The following CAMK4 variants were observed in gnomAD, a reference collection of about 807,000 sequenced individuals.
The protein encoded by CAMK4 is calcium/calmodulin dependent protein kinase IV, also known as calcium/calmodulin-dependent protein kinase type IV.
In CAMK4, 22 loss-of-function variants were observed where a neutral mutation model predicts 44.9. That is an observed-to-expected ratio of 0.49 (90% CI 0.35 to 0.70). The LOEUF is 0.70. Ranked by LOEUF, CAMK4 falls within the 30% of genes least tolerant of loss-of-function variation. The pLI is 0.01. For synonymous variants in CAMK4, 218 were observed against 215.4 expected (o/e 1.01, Z -0.11); for missense variants, 498 against 586.8 (o/e 0.85, Z 1.56).
chr5:111,234,596 A>G (rs1311175436), intron 1 of CAMK4, among the ~76,000 whole-genome samples: 1 of 152,208 alleles, frequency 6.6e-6, no homozygotes, highest in African/African-American at 2.4e-5. Context: ...GCACTGACCT[A>G]AAGTGTTTTG....
intron 5 of CAMK4, among the ~76,000 whole-genome samples, chr5:111,439,256 T>C (rs1753746126): frequency 6.6e-6 from 1 of 152,112 alleles, no homozygotes; most frequent in East Asian, 1.9e-4. Context: ...TCTACTCTTG[T>C]GGCAGTGCGA....
At chr5:111,356,968 A>C (rs1755253663) in intron 2 of CAMK4, among the ~76,000 whole-genome samples, 2 of 152,130 alleles carry the variant, frequency 1.3e-5, no homozygotes, top group African/African-American at 2.4e-5. Context: ...ACAGACAGAC[A>C]GACAGACCAT....
intron 7 of CAMK4, among the ~76,000 whole-genome samples, chr5:111,459,630 A>T (rs1314075681): frequency 1.3e-5 from 2 of 149,582 alleles, no homozygotes; most frequent in Non-Finnish European, 1.5e-5. Context: ...ATCTCAAGAG[A>T]TTGTCCCCAG....
chr5:111,473,375 C>G lies in CAMK4; in HGVS notation c.690C>G (p.Ile230Met). The change falls in exon 8 of 11, where the codon ATC (isoleucine) becomes ATG (methionine). Residue 230 changes from isoleucine (I) to methionine (M), a missense_variant. This residue lies in a region of CAMK4 where 203 missense variants were observed against 298.2 expected (regional missense o/e 0.68). Transcript: ENST00000282356. The stretch of plus-strand genomic sequence containing the variant: ...TGGACATGTGGTCTGTAGGAATAAT[C>G]ACCTACATCTTGTAAGTGAAGAAAA... ...PEVDMWSVGI[I>M]TYILLCGFEP... 1 of 1,601,328 alleles carries G rather than the reference C, an allele frequency of 6.2e-7. No homozygotes were observed. Among genetic ancestry groups the G allele is most frequent in the Non-Finnish European group, 8.6e-7 (1 of 1,168,906 alleles).
intron 2 of CAMK4, among the ~76,000 whole-genome samples, chr5:111,345,572 A>C (rs918510303): frequency 3.9e-5 from 6 of 152,012 alleles, no homozygotes; most frequent in African/African-American, 1.4e-4. Context: ...AAAAACTGTC[A>C]GTAAAATTTG....
chr5:111,254,805 G>A (rs184811438), intron 1 of CAMK4, among the ~76,000 whole-genome samples: 2 of 152,286 alleles, frequency 1.3e-5, no homozygotes, highest in African/African-American at 2.4e-5. Context: ...AATGAAACTA[G>A]CCAAGTATGT....
At chr5:111,346,483 T>TATCTATCTATCTATCC (rs1749870919) in intron 2 of CAMK4, among the ~76,000 whole-genome samples, 1 of 2,764 alleles carries the variant, frequency 3.6e-4, no homozygotes, top group South Asian at 0.1. Flanking sequence ...CTTGAAACTT[T>TATCTATCTATCTATCC]ATCTATCTAT....
intron 5 of CAMK4, among the ~76,000 whole-genome samples, chr5:111,414,580 A>T (rs1295324332): frequency 6.6e-6 from 1 of 152,224 alleles, no homozygotes; most frequent in Admixed American, 6.5e-5. Flanking sequence ...TAGAAATAGA[A>T]TAAAATAGAA....
chr5:111,443,641 G>C (rs1753926136), intron 5 of CAMK4, among the ~76,000 whole-genome samples: 1 of 151,836 alleles, frequency 6.6e-6, no homozygotes, highest in South Asian at 2.1e-4. Flanking sequence ...CTTGCACTTA[G>C]AACGCAACCA....
At chr5:111,320,549 C>T (rs1748620132) in intron 1 of CAMK4, among the ~76,000 whole-genome samples, 1 of 152,136 alleles carries the variant, frequency 6.6e-6, no homozygotes, top group South Asian at 2.1e-4. Flanking sequence ...GCTCGTTGCC[C>T]AGGGTGGAGT....
rs927394057 is a variant in CAMK4 at position 111,491,793 on chromosome 5, T to C, written c.*7327T>C. On this transcript the variant is annotated 3_prime_UTR_variant, in exon 11 of 11. Transcript: ENST00000282356. ...CTTACTAAGCTAAGAAATAAGAAGA[T>C]CCCTATGGTTCTGAATCTCTCATAA... is the stretch of plus-strand genomic sequence containing the variant. 1.3e-5 allele frequency: 2 copies of C among 152,176 alleles called. No individual in the cohort carries two copies. Among genetic ancestry groups the C allele is most frequent in the Non-Finnish European group, 2.9e-5 (2 of 68,020 alleles). The allele number at this position is 152,176 out of a possible 1,614,324, so 9.4% of individuals were successfully genotyped here.
chr5:111,458,960 CA>C (rs977028731), intron 7 of CAMK4, among the ~76,000 whole-genome samples: 1 of 152,150 alleles, frequency 6.6e-6, no homozygotes, highest in African/African-American at 2.4e-5. Flanking sequence ...GATGGGAAGA[CA>C]TCGGAGCATC....
intron 5 of CAMK4, among the ~76,000 whole-genome samples, chr5:111,423,413 A>G (rs1580732641): frequency 6.6e-6 from 1 of 152,212 alleles, no homozygotes; most frequent in Non-Finnish European, 1.5e-5. Context: ...CTTGGTTTCT[A>G]CTTCTCACAA....
chr5:111,366,705 G>T (rs1197766586), intron 2 of CAMK4, among the ~76,000 whole-genome samples: 1 of 152,000 alleles, frequency 6.6e-6, no homozygotes, highest in Non-Finnish European at 1.5e-5. Flanking sequence ...TTTCTCTGGT[G>T]TTACTCTAGA....
chr5:111,374,411 A>C (rs1751130722), intron 2 of CAMK4, among the ~76,000 whole-genome samples: 1 of 152,148 alleles, frequency 6.6e-6, no homozygotes, highest in African/African-American at 2.4e-5. Flanking sequence ...CACAATGGCC[A>C]GGGAACAGGA....
At chr5:111,336,724 G>C (rs1474442947) in intron 1 of CAMK4, among the ~76,000 whole-genome samples, 1 of 151,068 alleles carries the variant, frequency 6.6e-6, no homozygotes, top group Non-Finnish European at 1.5e-5. Context: ...TATTTTTTAT[G>C]TGAATTTTTG....
chr5:111,273,885 T>G (rs1403473536), intron 1 of CAMK4, among the ~76,000 whole-genome samples: 1 of 151,618 alleles, frequency 6.6e-6, no homozygotes, highest in Admixed American at 6.6e-5. Flanking sequence ...TGCAAATTTG[T>G]TAGTCTGTGT....
At chr5:111,317,898 T>TAAAAAAA (rs3066636) in intron 1 of CAMK4, among the ~76,000 whole-genome samples, 1,122 of 69,598 alleles carry the variant, frequency 0.016, 31 homozygotes, top group East Asian at 0.025. Flanking sequence ...GAGTAATATG[T>TAAAAAAA]AAAAAAAAAA....
chr5:111,315,588 A>G (rs1188361991), intron 1 of CAMK4, among the ~76,000 whole-genome samples: 2 of 152,142 alleles, frequency 1.3e-5, no homozygotes, highest in African/African-American at 4.8e-5. Flanking sequence ...GTGGAAGATT[A>G]TGATCTTCAT....
Sources: allele counts gnomAD v4.1 joint callset (sites outside exome capture counted in the v4.1 genomes callset), GRCh38; gene constraint gnomAD v4.1.1; regional missense constraint gnomAD v4.1.1; transcripts MANE v1.5; gene names NCBI Gene and HGNC (gene_info 2026-07-23, HGNC 2026-07-21).